The following ATAD2B variants were observed in gnomAD, a reference collection of about 807,000 sequenced individuals.
The protein encoded by ATAD2B is ATPase family AAA domain-containing protein 2B.
In ATAD2B, 40 loss-of-function variants were observed where a neutral mutation model predicts 167.6. That is an observed-to-expected ratio of 0.24 (90% CI 0.19 to 0.31). The LOEUF is 0.31. Ranked by LOEUF, ATAD2B falls within the 10% of genes least tolerant of loss-of-function variation. The probability of loss-of-function intolerance (pLI) is 1.00; values close to 1 mark genes in which losing one functional copy is unlikely to be tolerated. For missense variants in ATAD2B, 1,242 were observed against 1,757.2 expected (o/e 0.71, Z 5.24); for synonymous variants, 579 against 596.5 (o/e 0.97, Z 0.43).
intron 7 of ATAD2B, among the ~76,000 whole-genome samples, chr2:23,878,026 A>AAAAAAAAAAAAAAGAAAAAG: frequency 1.5e-5 from 2 of 129,330 alleles, no homozygotes; most frequent in East Asian, 3.5e-4. Flanking sequence ...AAAAAAAAAA[A>AAAAAAAAAAAAAAGAAAAAG]AAAAAAAAAA....
chr2:23,912,287 A>G (rs1336329155), intron 1 of ATAD2B, among the ~76,000 whole-genome samples: 2 of 152,122 alleles, frequency 1.3e-5, no homozygotes, highest in Admixed American at 1.3e-4. Flanking sequence ...GCTTGAGTCT[A>G]GGAATTTGAG....
At chr2:23,874,889 T>C (rs1696585190) in intron 8 of ATAD2B, among the ~76,000 whole-genome samples, 2 of 149,844 alleles carry the variant, frequency 1.3e-5, no homozygotes, top group Admixed American at 1.3e-4. Context: ...ATCCCATCTC[T>C]ACTAAAAATA....
chr2:23,714,993 T>A, the ATAD2B span, among the ~76,000 whole-genome samples: 1 of 152,168 alleles, frequency 6.6e-6, no homozygotes. Context: ...GACTTCAGTC[T>A]CTCTCTACTC....
chr2:23,785,047 TATAG>T (rs1234392908), intron 21 of ATAD2B, among the ~76,000 whole-genome samples: 1 of 151,936 alleles, frequency 6.6e-6, no homozygotes, highest in South Asian at 2.1e-4. Flanking sequence ...CAAATAAAAT[TATAG>T]ATAGTCTCTT....
chr2:23,859,341 A>T (rs1693967019), intron 12 of ATAD2B, among the ~76,000 whole-genome samples: 1 of 151,872 alleles, frequency 6.6e-6, no homozygotes, highest in African/African-American at 2.4e-5. Flanking sequence ...ACAAGGTCTC[A>T]CTCTCTCACC....
intron 23 of ATAD2B, among the ~76,000 whole-genome samples, chr2:23,764,452 TG>T (rs1677143263): frequency 6.6e-6 from 1 of 152,200 alleles, no homozygotes; most frequent in South Asian, 2.1e-4. Context: ...CAGACATTTT[TG>T]AAAACACTGA....
chr2:23,788,560 A>G lies in ATAD2B; in HGVS notation c.2728T>C (p.Leu910=). The change falls in exon 20 of 28, where the codon TTG becomes CTG. Residue 910 remains leucine (L), a synonymous_variant. Transcript: ENST00000238789. ...GCCATTGATGCCTGATTGAGAATCA[A>G]TTCTTGAAAAAATTTTCTTCTGTCT... ...EEDRRKFFQE[L]ILNQASMAPP... is the part of the protein sequence containing the mutation. 6.2e-7 allele frequency: 1 copy of G among 1,613,292 alleles called. No individual in the cohort carries two copies. Among genetic ancestry groups the G allele is most frequent in the Non-Finnish European group, 8.5e-7 (1 of 1,179,358 alleles).
intron 1 of ATAD2B, among the ~76,000 whole-genome samples, chr2:23,918,829 T>C (rs1400251807): frequency 6.6e-6 from 1 of 152,162 alleles, no homozygotes; most frequent in African/African-American, 2.4e-5. Flanking sequence ...CAAAACTAGA[T>C]TTAAATATTA....
chr2:23,755,037 G>T, intron 25 of ATAD2B: 1 of 244,954 alleles, frequency 4.1e-6, no homozygotes, highest in Non-Finnish European at 7.9e-6. Flanking sequence ...TCCACTAAAA[G>T]GAAGATAAAA....
At chr2:23,754,587 C>T in intron 26 of ATAD2B, 60 bp downstream of exon 26, 4 of 1,580,728 alleles carry the variant, frequency 2.5e-6, no homozygotes, top group Middle Eastern at 1.7e-4. Context: ...CAACTGCCTA[C>T]AAACACATTC....
In ATAD2B at chr2:23,834,152, C is replaced by CTTTTT. The variant is rs11378615; in HGVS notation, c.1569-79_1569-75dup. 244 of 119,656 alleles carry CTTTTT rather than the reference C, an allele frequency of 2.0e-3. 18 individuals carry two copies. Among genetic ancestry groups the CTTTTT allele is most frequent in the Non-Finnish European group, 2.3e-3 (166 of 70,742 alleles). 7.4% of individuals were successfully genotyped at this position (119,656 alleles called of 1,614,324 possible). A position where few individuals can be genotyped will look rare whatever the true frequency, so the allele number is the denominator to read the frequency against. ...CTTACAATAACGTTTATCAGTCTTT[C>CTTTTT]TTTTTTTTTTTTTTTTTTTTTTTTT... On this transcript the variant is annotated intron_variant, in intron 13 of 27. Transcript: ENST00000238789.
Position 23,835,978 on chromosome 2 carries a change from G to A in ATAD2B, c.1569-1900C>T, listed in dbSNP as rs148772064. On this transcript the variant is annotated intron_variant, in intron 13 of 27. Coordinates refer to ENST00000238789, the MANE Select transcript of ATAD2B (RefSeq NM_017552.4). The stretch of plus-strand genomic sequence containing the variant: ...AGTGAACTGTACAGCTCTTATTATG[G>A]GGTCCTTGTCAGGGTCGCTTTTCTG... Among the ~76,000 whole-genome samples the A allele has an allele frequency of 5.0e-3, 754 of 152,130 alleles. 6 individuals carry two copies. The highest frequency in any genetic ancestry group is 0.017 in the African/African-American group (716 of 41,494).
At chr2:23,702,126 A>T in the ATAD2B span, among the ~76,000 whole-genome samples, 1 of 152,092 alleles carries the variant, frequency 6.6e-6, no homozygotes, top group Non-Finnish European at 1.5e-5. Context: ...CCCAGCCCAC[A>T]TGGCTCTTTT....
chr2:23,908,993 T>G (rs1417715252), intron 1 of ATAD2B, among the ~76,000 whole-genome samples: 13 of 63,816 alleles, frequency 2.0e-4, no homozygotes, highest in Admixed American at 4.6e-4. Context: ...TGTTGTGGGG[T>G]GGGGGGAGGG....
intron 13 of ATAD2B, among the ~76,000 whole-genome samples, chr2:23,837,666 T>C (rs1373298867): frequency 6.6e-6 from 1 of 152,264 alleles, no homozygotes; most frequent in East Asian, 1.9e-4. Flanking sequence ...GTGAACTGTA[T>C]CTCAATAAAG....
intron 13 of ATAD2B, among the ~76,000 whole-genome samples, chr2:23,851,629 C>A (rs1314655127): frequency 6.6e-6 from 1 of 152,132 alleles, no homozygotes; most frequent in African/African-American, 2.4e-5. Context: ...ACAAAGTCCA[C>A]AGTTTACATT....
intron 22 of ATAD2B, among the ~76,000 whole-genome samples, chr2:23,776,914 C>T (rs1679229721): frequency 1.3e-5 from 2 of 152,128 alleles, no homozygotes; most frequent in Admixed American, 1.3e-4. Context: ...TGAAATGCAT[C>T]TCCTCTAAAT....
intron 15 of ATAD2B, among the ~76,000 whole-genome samples, chr2:23,827,176 G>C (rs1009714340): frequency 4.6e-5 from 7 of 151,934 alleles, no homozygotes; most frequent in South Asian, 2.1e-4. Flanking sequence ...TTATGTCACT[G>C]TCCAGGAAGA....
At chr2:23,723,271 T>C in the ATAD2B span, among the ~76,000 whole-genome samples, 2 of 148,634 alleles carry the variant, frequency 1.3e-5, no homozygotes, top group Admixed American at 1.4e-4. Flanking sequence ...CCAGCCTGGG[T>C]GACAGAGTGA....
Sources: allele counts gnomAD v4.1 joint callset (sites outside exome capture counted in the v4.1 genomes callset), GRCh38; gene constraint gnomAD v4.1.1; transcripts MANE v1.5; gene names NCBI Gene and HGNC (gene_info 2026-07-23, HGNC 2026-07-21).